Variants in FRY observed in about 807,000 individuals in gnomAD.
FRY encodes FRY microtubule binding protein, also known as protein furry homolog.
A neutral mutation model predicts 348.4 loss-of-function variants in FRY; 128 were observed. That is an observed-to-expected ratio of 0.37 (90% CI 0.32 to 0.43). The LOEUF (loss-of-function observed/expected upper bound fraction) is 0.43, where lower values mean the gene tolerates loss of function less well. FRY is among the 20% of genes least tolerant of loss of function. The pLI, the probability that FRY is intolerant of heterozygous loss-of-function variation, is 1.00. For missense variants in FRY, 2,736 were observed against 3,695.2 expected (o/e 0.74, Z 6.73); for synonymous variants, 1,370 against 1,374.7 (o/e 1.00, Z 0.08).
intron 7 of FRY, among the ~76,000 whole-genome samples, chr13:32,130,452 T>TTGTGTGTGTGTGTGTGTGTGTGTG (rs58000380): frequency 8.7e-4 from 124 of 141,982 alleles, no homozygotes; most frequent in Middle Eastern, 3.6e-3. Flanking sequence ...TGGAAAGTGT[T>TTGTGTGTGTGTGTGTGTGTGTGTG]TGTGTGTGTG....
chr13:32,060,262 C>G (rs1873866832), intron 1 of FRY, among the ~76,000 whole-genome samples: 1 of 152,172 alleles, frequency 6.6e-6, no homozygotes, highest in Admixed American at 6.5e-5. Context: ...CCTTCTCAAC[C>G]TCATTAACCT....
chr13:32,035,816 A>G (rs932212647), intron 1 of FRY, among the ~76,000 whole-genome samples: 8 of 152,220 alleles, frequency 5.3e-5, no homozygotes, highest in Non-Finnish European at 1.5e-5. Flanking sequence ...GGGGAACTGA[A>G]CAATCTCTTT....
At chr13:32,224,021 G>A (rs1041254625) in intron 36 of FRY, among the ~76,000 whole-genome samples, 1 of 152,066 alleles carries the variant, frequency 6.6e-6, no homozygotes, top group Admixed American at 6.6e-5. Context: ...ACAGGCATGA[G>A]CCACTGTAAC....
chr13:32,061,072 A>G (rs890862595), intron 1 of FRY: 1 of 531,988 alleles, frequency 1.9e-6, no homozygotes, highest in African/African-American at 1.9e-5. Context: ...TAGCTGTTCC[A>G]GACTGTTAGT....
intron 26 of FRY, 23 bp downstream of exon 26, chr13:32,185,171 A>G: frequency 1.9e-6 from 3 of 1,606,056 alleles, no homozygotes; most frequent in Non-Finnish European, 2.6e-6. Context: ...GTTACAAGAA[A>G]TTACCATTCA....
intron 56 of FRY, among the ~76,000 whole-genome samples, chr13:32,275,641 TG>T (rs1454014693): frequency 6.6e-6 from 1 of 152,226 alleles, no homozygotes; most frequent in Non-Finnish European, 1.5e-5. Flanking sequence ...CCGGTGCCCA[TG>T]ATGCCAGGTT....
intron 27 of FRY, among the ~76,000 whole-genome samples, chr13:32,186,754 CT>C (rs1883049642): frequency 6.6e-6 from 1 of 152,152 alleles, no homozygotes; most frequent in South Asian, 2.1e-4. Flanking sequence ...CCTTTTTAAT[CT>C]CCTTCTATCC....
At chr13:32,056,722 A>G (rs886500488) in intron 1 of FRY, among the ~76,000 whole-genome samples, 1 of 152,256 alleles carries the variant, frequency 6.6e-6, no homozygotes, top group Non-Finnish European at 1.5e-5. Flanking sequence ...GTGAAAATAC[A>G]TAATCCTTTT....
intron 54 of FRY, among the ~76,000 whole-genome samples, chr13:32,266,813 G>A (rs1432989225): frequency 6.6e-6 from 1 of 152,186 alleles, no homozygotes; most frequent in Non-Finnish European, 1.5e-5. Flanking sequence ...GTGAAATACT[G>A]TCTCTACTAA....
In FRY at chr13:32,267,209, G is replaced by A. The variant is rs528378408; in HGVS notation, c.7986G>A (p.Ser2662=). 233 of 1,603,136 alleles carry A rather than the reference G, an allele frequency of 1.5e-4. 2 individuals are homozygous for A. Among genetic ancestry groups the A allele is most frequent in the Middle Eastern group, 1.3e-3 (8 of 6,004 alleles). Residue 2662 remains serine, a synonymous_variant, in exon 55 of 61, where the codon TCG becomes TCA. Coordinates refer to ENST00000542859, the MANE Select transcript of FRY (RefSeq NM_023037.3). The stretch of plus-strand genomic sequence containing the variant: ...ACAGGGGAGTCTCTCCCCCTCCCTC[G>A]CCCTTCTTCTCAGCCATCCTTGCCG... The part of the protein sequence containing the change: ...EGDRGVSPPP[S]PFFSAILAAF...
chr13:32,288,903 T>C (rs1889204016), intron 58 of FRY, among the ~76,000 whole-genome samples: 2 of 152,162 alleles, frequency 1.3e-5, no homozygotes, highest in Admixed American at 1.3e-4. Context: ...GCATTGGAAT[T>C]GTTATTTTTC....
In FRY at chr13:32,269,696, TTA is replaced by T. The variant is rs199791193; in HGVS notation, c.8136+2338_8136+2339del. ...AACAAAGTGAGACTCCATCTCCATT[TTA>T]AAAAAAAAAAAAGATAACTTATTAA... On this transcript the variant is annotated intron_variant, in intron 55 of 60. Coordinates refer to ENST00000542859, the MANE Select transcript of FRY (RefSeq NM_023037.3). 5.2e-3 allele frequency among the ~76,000 whole-genome samples: 503 copies of T among 96,158 alleles called. 2 individuals carry two copies. The highest frequency in any genetic ancestry group is 0.02 in the African/African-American group (385 of 19,522). The allele number at this position is 96,158 out of a possible 152,430, so 63.1% of individuals were successfully genotyped here. A position where few individuals can be genotyped will look rare whatever the true frequency, so the allele number is the denominator to read the frequency against.
chr13:32,149,972 G>T, intron 14 of FRY, 138 bp downstream of exon 14: 1 of 675,204 alleles, frequency 1.5e-6, no homozygotes. Context: ...TCCAAATTCA[G>T]ATGATGGTGG....
intron 3 of FRY, among the ~76,000 whole-genome samples, chr13:32,109,246 A>G (rs1877791471): frequency 6.6e-6 from 1 of 152,202 alleles, no homozygotes. Context: ...TAAACAAACA[A>G]TGAGTGCCTG....
Position 32,038,078 on chromosome 13 carries a change from G to A in FRY, c.70+6213G>A, listed in dbSNP as rs146481125. 1.9e-3 allele frequency among the ~76,000 whole-genome samples: 283 copies of A among 152,292 alleles called. 1 individual carries two copies. Among genetic ancestry groups the A allele is most frequent in the South Asian group, 0.013 (62 of 4,816 alleles). ...CATTACCTCATTTGACGAGTGAGAT[G>A]CACTGAGTATTAATTAGCTAGTTTC... On this transcript the variant is annotated intron_variant, in intron 1 of 60. Transcript: ENST00000542859.
At chr13:32,207,086 C>T (rs9562553) in intron 31 of FRY, among the ~76,000 whole-genome samples, 27,176 of 152,060 alleles carry the variant, frequency 0.18, 2,937 homozygotes, top group East Asian at 0.47. Context: ...ACATCCCTAC[C>T]CTCTTGGTGC....
chr13:32,124,125 A>G (rs886727702), intron 4 of FRY, among the ~76,000 whole-genome samples, 161 bp from the exon 5 acceptor site: 11 of 152,124 alleles, frequency 7.2e-5, no homozygotes, highest in African/African-American at 2.4e-4. Context: ...GGCATGAGCC[A>G]CTCCGCCCGG....
intron 11 of FRY, among the ~76,000 whole-genome samples, chr13:32,145,233 C>T (rs932724585): frequency 3.3e-5 from 5 of 152,084 alleles, no homozygotes; most frequent in African/African-American, 1.2e-4. Context: ...GAGAAACTAC[C>T]GATTCTGTGA....
At chr13:32,199,544 A>C (rs1444805570) in intron 29 of FRY, among the ~76,000 whole-genome samples, 1 of 152,202 alleles carries the variant, frequency 6.6e-6, no homozygotes, top group Non-Finnish European at 1.5e-5. Flanking sequence ...TGTTGACAGT[A>C]ATTGCCTCTT....
Sources: allele counts gnomAD v4.1 joint callset (sites outside exome capture counted in the v4.1 genomes callset), GRCh38; gene constraint gnomAD v4.1.1; transcripts MANE v1.5; gene names NCBI Gene and HGNC (gene_info 2026-07-23, HGNC 2026-07-21).